SERPINB6: variants seen among roughly 807,000 people sequenced by gnomAD.
SERPINB6 encodes serpin B6.
A neutral mutation model predicts 26.1 loss-of-function variants in SERPINB6; 16 were observed. The ratio of observed to expected loss-of-function variants is 0.61; its 90% confidence interval spans 0.42 to 0.93. The LOEUF is 0.93. Ranked by LOEUF, SERPINB6 falls within the 40% of genes least tolerant of loss-of-function variation. The pLI is 0.00. For missense variants in SERPINB6, 420 were observed against 478.0 expected (o/e 0.88, Z 1.13); for synonymous variants, 174 against 176.6 (o/e 0.99, Z 0.11).
At chr6:2,970,614 T>C (rs1428010154) in intron 1 of SERPINB6, 1 of 1,219,312 alleles carries the variant, frequency 8.2e-7, no homozygotes, top group Non-Finnish European at 1.0e-6. Context: ...AAAGCAAAAG[T>C]GCCCAAAAAA....
chr6:2,970,788 C>G, intron 1 of SERPINB6: 1 of 1,212,986 alleles, frequency 8.2e-7, no homozygotes, highest in African/African-American at 1.6e-5. Context: ...AAAGTTTCCT[C>G]TTTGCCTTGA....
At chr6:2,955,705 C>T (rs1203643631) in intron 2 of SERPINB6, 35 bp from the exon 3 acceptor site, 2 of 1,612,176 alleles carry the variant, frequency 1.2e-6, no homozygotes, top group East Asian at 2.2e-5. Context: ...CAAATCATTC[C>T]TGTATGCTCT....
At chr6:2,951,409 A>T (rs182785493) in intron 5 of SERPINB6, among the ~76,000 whole-genome samples, 5 of 151,766 alleles carry the variant, frequency 3.3e-5, no homozygotes, top group South Asian at 2.1e-4. Flanking sequence ...AAATAAAAAA[A>T]AAAAATAAGC....
intron 1 of SERPINB6, chr6:2,969,300 A>T: frequency 1.0e-6 from 1 of 985,484 alleles, no homozygotes; most frequent in Non-Finnish European, 1.2e-6. Context: ...CTTTTTAAGG[A>T]CCTACTTCTT....
chr6:2,952,054 T>C (rs1017029035), intron 5 of SERPINB6, among the ~76,000 whole-genome samples: 1 of 152,202 alleles, frequency 6.6e-6, no homozygotes, highest in African/African-American at 2.4e-5. Context: ...CCAGACCTCC[T>C]AGCAGGGGAG....
chr6:2,952,703 C>T (rs1271409979), intron 5 of SERPINB6, among the ~76,000 whole-genome samples: 2 of 152,218 alleles, frequency 1.3e-5, no homozygotes, highest in Non-Finnish European at 2.9e-5. Context: ...CAGCAGGAGG[C>T]GCGGTAGCGG....
chr6:2,950,343 G>A (rs1055104691), intron 5 of SERPINB6, among the ~76,000 whole-genome samples: 1 of 151,930 alleles, frequency 6.6e-6, no homozygotes, highest in Non-Finnish European at 1.5e-5. Flanking sequence ...GACCAGCCTG[G>A]CCAACATGGT....
chr6:2,955,937 C>T, intron 2 of SERPINB6: 1 of 383,014 alleles, frequency 2.6e-6, no homozygotes, highest in Non-Finnish European at 5.0e-6. Context: ...ATGAGCTGGG[C>T]CTGGTGGTGC....
chr6:2,962,932 G>A (rs1054291597), intron 1 of SERPINB6, among the ~76,000 whole-genome samples: 2 of 152,080 alleles, frequency 1.3e-5, no homozygotes, highest in African/African-American at 4.8e-5. Flanking sequence ...CCCCAAACAG[G>A]AACAAGATAA....
intron 1 of SERPINB6, chr6:2,970,571 G>A (rs1325802012): frequency 5.0e-6 from 6 of 1,208,476 alleles, no homozygotes; most frequent in Non-Finnish European, 6.2e-6. Flanking sequence ...GCAGGCAGCT[G>A]CAGGGCTGTC....
chr6:2,958,672 C>T (rs139516704), intron 2 of SERPINB6, among the ~76,000 whole-genome samples: 2 of 152,318 alleles, frequency 1.3e-5, no homozygotes, highest in East Asian at 3.9e-4. Context: ...AGAAGCACCA[C>T]TCAATCCACC....
intron 4 of SERPINB6, 81 bp downstream of exon 4, chr6:2,954,511 C>T (rs1359670153): frequency 2.7e-6 from 3 of 1,106,294 alleles, no homozygotes; most frequent in East Asian, 2.4e-5. Context: ...TTCCTGTTTA[C>T]AATTGACAGT....
At chr6:2,961,937 G>A in intron 1 of SERPINB6, 2 of 984,540 alleles carry the variant, frequency 2.0e-6, no homozygotes, top group South Asian at 4.7e-5. Flanking sequence ...CCTTGCCCAG[G>A]CTGCTCTCCA....
At chr6:2,962,114 C>G (rs1171589126) in intron 1 of SERPINB6, 3 of 985,422 alleles carry the variant, frequency 3.0e-6, no homozygotes, top group Non-Finnish European at 3.6e-6. Flanking sequence ...GAATCTGTTT[C>G]AGGCGCTGAT....
At chr6:2,969,522 G>T (rs893017780) in intron 1 of SERPINB6, 10 of 985,068 alleles carry the variant, frequency 1.0e-5, no homozygotes, top group Non-Finnish European at 1.2e-5. Flanking sequence ...TTTTAAACAA[G>T]CCTAACAAAT....
chr6:2,951,073 A>T (rs971062603), intron 5 of SERPINB6, among the ~76,000 whole-genome samples: 2 of 152,234 alleles, frequency 1.3e-5, no homozygotes, highest in African/African-American at 4.8e-5. Context: ...AGCTGTTGTT[A>T]CAGGATGAAA....
intron 1 of SERPINB6, chr6:2,968,645 A>C: frequency 8.2e-7 from 1 of 1,223,834 alleles, no homozygotes; most frequent in Non-Finnish European, 1.0e-6. Context: ...TCCTTTTGTT[A>C]TGGTGGCTGG....
At chr6:2,968,991 C>T in intron 1 of SERPINB6, 1 of 1,217,154 alleles carries the variant, frequency 8.2e-7, no homozygotes, top group Non-Finnish European at 1.0e-6. Context: ...GTCCCCACTG[C>T]CTCCCCCACA....
rs1486547243 is a variant in SERPINB6, at chr6:2,959,661, G to A, written c.-10-319C>T. On this transcript the variant is annotated intron_variant, in intron 1 of 6. Coordinates refer to ENST00000380539, the MANE Select transcript of SERPINB6 (RefSeq NM_004568.6). Reference sequence around the variant, plus strand: ...TCTTCCTTGGGGTGGAATTACAGAAGGGGCACTGGCTTTTGCTTCTATGTT... The same window carrying A: ...TCTTCCTTGGGGTGGAATTACAGAAAGGGCACTGGCTTTTGCTTCTATGTT... The A allele has an allele frequency of 7.4e-6, 3 of 407,032 alleles. No individual in the cohort carries two copies. In the East Asian group the frequency reaches 1.6e-4, roughly 22 times the overall value. The allele number at this position is 407,032 out of a possible 1,614,324, so 25.2% of individuals were successfully genotyped here.
Sources: gnomAD v4.1 joint callset for allele counts (sites outside exome capture counted in the v4.1 genomes callset) on GRCh38, gnomAD v4.1.1 for gene constraint, MANE v1.5 for transcripts, NCBI Gene and HGNC (gene_info 2026-07-23, HGNC 2026-07-21) for gene names.